Variants in NRG1 observed in about 807,000 individuals in gnomAD.
NRG1 encodes the protein pro-neuregulin-1, membrane-bound isoform.
In NRG1, 18 loss-of-function variants were observed where a neutral mutation model predicts 63.8. The ratio of observed to expected loss-of-function variants is 0.28; its 90% confidence interval spans 0.19 to 0.42. The LOEUF (loss-of-function observed/expected upper bound fraction) is 0.42, where lower values mean the gene tolerates loss of function less well. Among genes scored for constraint, NRG1 ranks in the 10% least tolerant of loss-of-function variants. The probability of loss-of-function intolerance (pLI) is 1.00; values close to 1 mark genes in which losing one functional copy is unlikely to be tolerated. For synonymous variants in NRG1, 302 were observed against 301.3 expected, an observed-to-expected ratio of 1.00 and a Z score of -0.02; for missense variants, 762 against 814.7, an observed-to-expected ratio of 0.94 and a Z score of 0.79.
intron 1 of NRG1, among the ~76,000 whole-genome samples, chr8:31,819,103 T>C (rs1406805389): frequency 1.3e-5 from 2 of 152,006 alleles, no homozygotes; most frequent in Non-Finnish European, 2.9e-5. Context: ...CCGGACACAG[T>C]TGCATAGACC....
chr8:32,210,345 C>T (rs1174266952), intron 1 of NRG1, among the ~76,000 whole-genome samples: 1 of 152,152 alleles, frequency 6.6e-6, no homozygotes, highest in East Asian at 1.9e-4. Context: ...ATCATCACAT[C>T]ATATTGCCTC....
At chr8:32,342,336 G>A (rs1235433370) in intron 1 of NRG1, among the ~76,000 whole-genome samples, 9 of 152,102 alleles carry the variant, frequency 5.9e-5, no homozygotes, top group Non-Finnish European at 4.4e-5. Context: ...CAGTCATTTT[G>A]TAAAAAATGA....
intron 1 of NRG1, among the ~76,000 whole-genome samples, chr8:32,217,396 C>A (rs1268969917): frequency 6.6e-6 from 1 of 151,994 alleles, no homozygotes; most frequent in African/African-American, 2.4e-5. Flanking sequence ...AACGGAGCGT[C>A]CCCTGCTCTG....
intron 1 of NRG1, among the ~76,000 whole-genome samples, chr8:31,664,535 G>C (rs1403935640): frequency 6.6e-6 from 1 of 152,168 alleles, no homozygotes; most frequent in African/African-American, 2.4e-5. Flanking sequence ...ATGTGGTTTT[G>C]CAACTTCTCT....
At chr8:31,780,762 T>C (rs886789414) in intron 1 of NRG1, among the ~76,000 whole-genome samples, 3 of 152,180 alleles carry the variant, frequency 2.0e-5, no homozygotes, top group Non-Finnish European at 4.4e-5. Flanking sequence ...ACCCTATAGA[T>C]ATTTCTGGTG....
chr8:32,035,206 C>T (rs568612624), intron 1 of NRG1, among the ~76,000 whole-genome samples: 1 of 152,032 alleles, frequency 6.6e-6, no homozygotes, highest in East Asian at 1.9e-4. Flanking sequence ...ATTATCTACC[C>T]AGGTGTCATT....
At chr8:32,438,189 C>G (rs1587655401) in intron 1 of NRG1, among the ~76,000 whole-genome samples, 1 of 152,232 alleles carries the variant, frequency 6.6e-6, no homozygotes, top group Non-Finnish European at 1.5e-5. Context: ...ACTTCCTTTG[C>G]CCACCCTCAC....
intron 1 of NRG1, among the ~76,000 whole-genome samples, chr8:32,523,459 G>A (rs934502351): frequency 6.6e-6 from 1 of 152,148 alleles, no homozygotes; most frequent in South Asian, 2.1e-4. Flanking sequence ...TTTTAAAAGA[G>A]TTTATTTAAA....
rs542033032 is a variant in NRG1, at chr8:32,609,946, C to T, written c.400+4263C>T. On this transcript the variant is annotated intron_variant, in intron 3 of 11. Transcript: ENST00000356819. ...TTGGGCTCCCAAAGTGCTTGGATTA[C>T]AGGTGTGAACCATCACACCCGGTCA... Among the ~76,000 whole-genome samples, 3 of 151,516 alleles carry T rather than the reference C, an allele frequency of 2.0e-5. No individual in the cohort carries two copies. In the South Asian group the frequency reaches 6.2e-4, roughly 32 times the overall value.
rs71879821 is a variant in NRG1 at position 32,743,573 on chromosome 8, C to CATATATATATATATATATATATATAT, written c.691+863_691+864insTATATATATATATATATATATATATA. On this transcript the variant is annotated intron_variant, in intron 7 of 11. Transcript: ENST00000356819. ...TATATATATAAAACTTAAGGCAAAA[C>CATATATATATATATATATATATATAT]ATATATATATATATATATATATAAA... Among the ~76,000 whole-genome samples, 170 of 113,626 alleles carry CATATATATATATATATATATATATAT rather than the reference C, an allele frequency of 1.5e-3. 4 individuals are homozygous for CATATATATATATATATATATATATAT. The highest frequency in any genetic ancestry group is 0.014 in the East Asian group (47 of 3,300). The allele number at this position is 113,626 out of a possible 152,430, so 74.5% of individuals were successfully genotyped here.
At chr8:31,856,967 C>A (rs1393757327) in intron 1 of NRG1, among the ~76,000 whole-genome samples, 1 of 152,170 alleles carries the variant, frequency 6.6e-6, no homozygotes, top group Non-Finnish European at 1.5e-5. Context: ...GCAGTCTGCC[C>A]ATTCTCAGAT....
intron 1 of NRG1, among the ~76,000 whole-genome samples, chr8:32,238,901 A>C (rs1847836170): frequency 6.6e-6 from 1 of 152,174 alleles, no homozygotes; most frequent in African/African-American, 2.4e-5. Flanking sequence ...TTGAACAGGG[A>C]GATGCTATTT....
At chr8:31,944,780 C>T (rs1364810285) in intron 1 of NRG1, among the ~76,000 whole-genome samples, 1 of 152,132 alleles carries the variant, frequency 6.6e-6, no homozygotes, top group Non-Finnish European at 1.5e-5. Flanking sequence ...ATTAGTGGAT[C>T]AACAAAGCAA....
chr8:31,914,584 T>A (rs1585713884), intron 1 of NRG1, among the ~76,000 whole-genome samples: 1 of 152,112 alleles, frequency 6.6e-6, no homozygotes, highest in Non-Finnish European at 1.5e-5. Context: ...GTATGGCACA[T>A]GTGAAGTGGT....
At chr8:32,756,360 A>C in intron 8 of NRG1, 43 bp from the exon 9 acceptor site, 1 of 1,594,912 alleles carries the variant, frequency 6.3e-7, no homozygotes, top group South Asian at 1.1e-5. Flanking sequence ...CTATGAAATG[A>C]AAATAATCAA....
At chr8:32,713,036 C>A (rs1157497288) in intron 5 of NRG1, among the ~76,000 whole-genome samples, 2 of 152,208 alleles carry the variant, frequency 1.3e-5, no homozygotes, top group East Asian at 3.9e-4. Flanking sequence ...GACCACGTGA[C>A]TCAATTCCTA....
intron 1 of NRG1, among the ~76,000 whole-genome samples, chr8:32,386,540 T>G (rs1206035207): frequency 6.6e-6 from 1 of 152,190 alleles, no homozygotes; most frequent in Non-Finnish European, 1.5e-5. Context: ...GAGTACCTAT[T>G]ACGTGTCAGG....
At chr8:31,788,412 A>C (rs1409912906) in intron 1 of NRG1, among the ~76,000 whole-genome samples, 1 of 152,160 alleles carries the variant, frequency 6.6e-6, no homozygotes, top group Non-Finnish European at 1.5e-5. Flanking sequence ...ATGGATATTT[A>C]GGCTTGAAAT....
chr8:32,414,768 G>C (rs999199536), intron 1 of NRG1, among the ~76,000 whole-genome samples: 6 of 152,082 alleles, frequency 3.9e-5, no homozygotes, highest in Non-Finnish European at 8.8e-5. Context: ...ATTAGAGTTC[G>C]ACAAAATCTC....
Sources: allele counts gnomAD v4.1 joint callset (sites outside exome capture counted in the v4.1 genomes callset), GRCh38; gene constraint gnomAD v4.1.1; transcripts MANE v1.5; gene names NCBI Gene and HGNC (gene_info 2026-07-23, HGNC 2026-07-21).